SCRG1: variants seen among roughly 807,000 people sequenced by gnomAD.
SCRG1 encodes stimulator of chondrogenesis 1.
SCRG1 carries 3 observed loss-of-function variants against 7.7 expected under a neutral mutation model. That is an observed-to-expected ratio of 0.39 (90% CI 0.18 to 1.01). The LOEUF (loss-of-function observed/expected upper bound fraction) is 1.01. SCRG1 is among the 50% of genes least tolerant of loss of function. The pLI is 0.36. For synonymous variants in SCRG1, 46 were observed against 41.2 expected (o/e 1.12, Z -0.44); for missense variants, 110 against 117.2 (o/e 0.94, Z 0.28).
intron 1 of SCRG1, among the ~76,000 whole-genome samples, chr4:173,395,692 C>T (rs188691199): frequency 1.4e-4 from 22 of 152,292 alleles, no homozygotes; most frequent in Admixed American, 1.4e-3. Context: ...TATAATCTGG[C>T]CTACAAGAAC....
At chr4:173,394,460 C>T (rs976679424) in intron 1 of SCRG1, among the ~76,000 whole-genome samples, 12 of 151,970 alleles carry the variant, frequency 7.9e-5, no homozygotes, top group African/African-American at 1.9e-4. Context: ...CTGGCTAACA[C>T]GGTGAAACCC....
At chr4:173,408,015 A>G (rs1237672113), upstream of SCRG1, among the ~76,000 whole-genome samples, 1 of 152,270 alleles carries the variant, frequency 6.6e-6, no homozygotes, top group Non-Finnish European at 1.5e-5. Flanking sequence ...AATAATAAAT[A>G]CAACACAGTA....
intron 1 of SCRG1, among the ~76,000 whole-genome samples, chr4:173,404,889 T>C (rs1739862065): frequency 6.6e-6 from 1 of 152,240 alleles, no homozygotes; most frequent in Non-Finnish European, 1.5e-5. Flanking sequence ...ACATTTTTAT[T>C]TTAAAATAGT....
chr4:173,418,911 C>T, the SCRG1 span, among the ~76,000 whole-genome samples: 1 of 152,202 alleles, frequency 6.6e-6, no homozygotes, highest in Non-Finnish European at 1.5e-5. Context: ...TGAAGCCTCC[C>T]AGTCATGCTT....
Position 173,394,913 on chromosome 4 carries a change from T to A in SCRG1, c.-14-3485A>T, listed in dbSNP as rs370528724. ...TAGTCAGTATTTGTATATACACTTATCTTTATCAATGAGTTTCATATTTTC... is the reference window on the plus strand; with the variant it reads ...TAGTCAGTATTTGTATATACACTTAACTTTATCAATGAGTTTCATATTTTC... On this transcript the variant is annotated intron_variant, in intron 1 of 2. Coordinates refer to ENST00000296506, the MANE Select transcript of SCRG1 (RefSeq NM_007281.4). Among the ~76,000 whole-genome samples, 6 of 152,352 alleles carry A rather than the reference T, an allele frequency of 3.9e-5. No individual in the cohort carries two copies. In the South Asian group the frequency reaches 1.2e-3, roughly 32 times the overall value.
In SCRG1 at chr4:173,388,187, A is replaced by G. The variant is rs1452010320; in HGVS notation, c.*154T>C. On this transcript the variant is annotated 3_prime_UTR_variant, in exon 3 of 3. Coordinates refer to ENST00000296506, the MANE Select transcript of SCRG1 (RefSeq NM_007281.4). ...TTAGATTGAATTAACTTTTATTACT[A>G]CTTGTTTAACACAGATTTACTTGTC... The G allele has an allele frequency of 2.0e-6, 1 of 488,616 alleles. No individual in the cohort carries two copies. The highest frequency in any genetic ancestry group is 3.6e-6 in the Non-Finnish European group (1 of 277,284). 30.3% of individuals were successfully genotyped at this position (488,616 alleles called of 1,614,324 possible). A position where few individuals can be genotyped will look rare whatever the true frequency, so the allele number is the denominator to read the frequency against.
intron 1 of SCRG1, among the ~76,000 whole-genome samples, chr4:173,394,133 G>T (rs1739529175): frequency 6.6e-6 from 1 of 152,010 alleles, no homozygotes; most frequent in Non-Finnish European, 1.5e-5. Context: ...TGATAGGGAA[G>T]AATTTACTAT....
At chr4:173,436,400 C>T in the SCRG1 span, among the ~76,000 whole-genome samples, 5 of 152,204 alleles carry the variant, frequency 3.3e-5, no homozygotes, top group Non-Finnish European at 5.9e-5. Context: ...TTACCACCCA[C>T]CCAGTCAGAG....
the SCRG1 span, among the ~76,000 whole-genome samples, chr4:173,441,874 G>A: frequency 1.4e-4 from 22 of 152,108 alleles, no homozygotes; most frequent in Non-Finnish European, 2.5e-4. Context: ...GCAAGACCCT[G>A]TCTCTCAATT....
the SCRG1 span, among the ~76,000 whole-genome samples, chr4:173,486,372 C>G: frequency 6.6e-6 from 1 of 152,084 alleles, no homozygotes; most frequent in Non-Finnish European, 1.5e-5. Context: ...ATTTTGCATC[C>G]TTCACCACTG....
chr4:173,458,599 A>G, the SCRG1 span, among the ~76,000 whole-genome samples: 1 of 152,216 alleles, frequency 6.6e-6, no homozygotes, highest in Non-Finnish European at 1.5e-5. Context: ...CTGGTAAAGC[A>G]TATACACAAA....
the SCRG1 span, among the ~76,000 whole-genome samples, chr4:173,447,243 G>C: frequency 6.6e-6 from 1 of 152,166 alleles, no homozygotes; most frequent in Admixed American, 6.5e-5. Context: ...GGTGAAAAGA[G>C]GGCTAGCTAG....
chr4:173,510,828 C>T, the SCRG1 span, among the ~76,000 whole-genome samples: 1 of 152,186 alleles, frequency 6.6e-6, no homozygotes, highest in Non-Finnish European at 1.5e-5. The surrounding 1 kb of genome is among the most constrained non-coding windows in gnomAD (Gnocchi z 5.7). Context: ...TCACCAGATC[C>T]ACAAGCGCTT....
chr4:173,434,092 T>G, the SCRG1 span, among the ~76,000 whole-genome samples: 1 of 152,194 alleles, frequency 6.6e-6, no homozygotes. Context: ...TGGAAAAGAA[T>G]GCAGTCCTCC....
the SCRG1 span, among the ~76,000 whole-genome samples, chr4:173,473,270 C>G: frequency 1.3e-5 from 2 of 152,276 alleles, no homozygotes; most frequent in South Asian, 4.1e-4. Context: ...GGTGGGACAG[C>G]CAAATAAATA....
chr4:173,483,469 T>C, the SCRG1 span, among the ~76,000 whole-genome samples: 2 of 87,058 alleles, frequency 2.3e-5, no homozygotes, highest in Non-Finnish European at 4.0e-5. Flanking sequence ...TATTATATAT[T>C]ATATTCTGAT....
At chr4:173,399,666 T>C (rs1739709400), upstream of SCRG1, 1 of 152,262 alleles carries the variant, frequency 6.6e-6, no homozygotes, top group African/African-American at 2.4e-5. Context: ...TCATTAGTAG[T>C]CAATGGAAAG....
At chr4:173,426,102 G>A in the SCRG1 span, among the ~76,000 whole-genome samples, 2 of 152,202 alleles carry the variant, frequency 1.3e-5, no homozygotes, top group Non-Finnish European at 2.9e-5. Flanking sequence ...TGGAAAAAAT[G>A]TATGTCCCAA....
the SCRG1 span, among the ~76,000 whole-genome samples, chr4:173,483,055 A>G: frequency 2.7e-3 from 280 of 105,106 alleles, 6 homozygotes; most frequent in East Asian, 0.057. Context: ...TTTTATATAT[A>G]ATATATTTCA....
Sources: allele counts gnomAD v4.1 joint callset (sites outside exome capture counted in the v4.1 genomes callset), GRCh38; gene constraint gnomAD v4.1.1; non-coding constraint Gnocchi (gnomAD v3.1); transcripts MANE v1.5; gene names NCBI Gene and HGNC (gene_info 2026-07-23, HGNC 2026-07-21).